GPC5: variants seen among roughly 807,000 people sequenced by gnomAD.
GPC5 encodes the protein glypican 5.
Under a neutral mutation model 53.9 loss-of-function variants are expected in GPC5, and 47 were observed. That is an observed-to-expected ratio of 0.87 (90% CI 0.69 to 1.11). The LOEUF is 1.11. GPC5 is among the 50% of genes most tolerant of loss of function. The pLI, the probability that GPC5 is intolerant of heterozygous loss-of-function variation, is 0.00. For missense variants in GPC5, 748 were observed against 713.1 expected, an observed-to-expected ratio of 1.05 and a Z score of -0.56; for synonymous variants, 286 against 263.3, an observed-to-expected ratio of 1.09 and a Z score of -0.84.
intron 6 of GPC5, among the ~76,000 whole-genome samples, chr13:91,966,301 A>G (rs182023207): frequency 6.5e-4 from 99 of 152,334 alleles, no homozygotes; most frequent in African/African-American, 2.3e-3. Context: ...CTTCTCTTAT[A>G]CAATCAAAAG....
In GPC5 at chr13:91,549,984, C is replaced by T. The variant is rs780784703; in HGVS notation, c.325+101062C>T. ...TTTATAGCAGATTTATTTACAATTG[C>T]CAAAACTCCAGAGCAACCAAGTTGT... On this transcript the variant is annotated intron_variant, in intron 2 of 7. Transcript: ENST00000377067. Among the ~76,000 whole-genome samples, 46 of 152,068 alleles carry T rather than the reference C, an allele frequency of 3.0e-4. 1 individual carries two copies. Among genetic ancestry groups the T allele is most frequent in the Non-Finnish European group, 7.4e-5 (5 of 68,002 alleles).
At chr13:92,031,524 A>G (rs1276472359) in intron 6 of GPC5, among the ~76,000 whole-genome samples, 1 of 150,024 alleles carries the variant, frequency 6.7e-6, no homozygotes, top group Non-Finnish European at 1.5e-5. Context: ...TTCCCTTTTC[A>G]CCGCATCCAC....
intron 5 of GPC5, among the ~76,000 whole-genome samples, chr13:91,875,673 A>T (rs2039194450): frequency 6.6e-6 from 1 of 151,984 alleles, no homozygotes; most frequent in African/African-American, 2.4e-5. Context: ...TCTCTTCTTG[A>T]ATCATATTAT....
chr13:92,189,700 T>G (rs1254494984), intron 7 of GPC5, among the ~76,000 whole-genome samples: 1 of 152,014 alleles, frequency 6.6e-6, no homozygotes, highest in Non-Finnish European at 1.5e-5. Context: ...TTTAAAGCTA[T>G]GATTAATATG....
intron 7 of GPC5, among the ~76,000 whole-genome samples, chr13:92,666,685 A>G (rs945664509): frequency 6.6e-6 from 1 of 152,220 alleles, no homozygotes; most frequent in Non-Finnish European, 1.5e-5. Context: ...ATGCAATTTG[A>G]AGGGAGAACA....
intron 6 of GPC5, among the ~76,000 whole-genome samples, chr13:92,116,363 C>A (rs2041601886): frequency 6.6e-6 from 1 of 152,122 alleles, no homozygotes; most frequent in South Asian, 2.1e-4. Flanking sequence ...GGAAAGAGGC[C>A]TCAGAATAAA....
At chr13:92,770,740 G>A (rs1263753935) in intron 7 of GPC5, among the ~76,000 whole-genome samples, 2 of 152,132 alleles carry the variant, frequency 1.3e-5, no homozygotes, top group South Asian at 2.1e-4. Context: ...GTGGTTTTCA[G>A]CTGAAACCCG....
intron 7 of GPC5, among the ~76,000 whole-genome samples, chr13:92,427,221 C>A (rs2139369641): frequency 6.6e-6 from 1 of 151,240 alleles, no homozygotes; most frequent in South Asian, 2.1e-4. Flanking sequence ...AGGAGATTTT[C>A]AGGGATGAAT....
At chr13:91,433,189 C>G (rs1405143397) in intron 1 of GPC5, among the ~76,000 whole-genome samples, 2 of 151,156 alleles carry the variant, frequency 1.3e-5, no homozygotes, top group African/African-American at 4.9e-5. Context: ...TTGACTGCTT[C>G]TTCCCAGGCT....
At chr13:92,638,778 C>T (rs568333678) in intron 7 of GPC5, among the ~76,000 whole-genome samples, 6 of 152,234 alleles carry the variant, frequency 3.9e-5, no homozygotes, top group East Asian at 1.9e-4. Flanking sequence ...GCAGAGTACT[C>T]GTCAACTCAG....
intron 7 of GPC5, among the ~76,000 whole-genome samples, chr13:92,645,022 T>G (rs182307994): frequency 5.6e-4 from 85 of 152,326 alleles, no homozygotes; most frequent in Non-Finnish European, 5.1e-4. Flanking sequence ...TAGTAGAATT[T>G]CAGAAGGTGA....
intron 7 of GPC5, among the ~76,000 whole-genome samples, chr13:92,588,832 C>A (rs3901972): frequency 0.98 from 149,318 of 152,292 alleles, 73,280 homozygotes; most frequent in East Asian, 1. Flanking sequence ...CTGGGTCATA[C>A]AGCAAATAAA....
chr13:91,938,703 G>T (rs118096795), intron 6 of GPC5, among the ~76,000 whole-genome samples: 1 of 152,126 alleles, frequency 6.6e-6, no homozygotes, highest in East Asian at 1.9e-4. Context: ...TTCTTCCATG[G>T]TATATTTTAT....
chr13:92,690,532 G>A (rs1461299988), intron 7 of GPC5, among the ~76,000 whole-genome samples: 2 of 123,602 alleles, frequency 1.6e-5, no homozygotes, highest in African/African-American at 6.3e-5. Flanking sequence ...GTAGCTCAGA[G>A]TAATTTGATC....
At chr13:92,062,962 T>C (rs1320179705) in intron 6 of GPC5, among the ~76,000 whole-genome samples, 1 of 151,868 alleles carries the variant, frequency 6.6e-6, no homozygotes, top group Non-Finnish European at 1.5e-5. Context: ...AGAAAAATGA[T>C]TTTTCGTAAG....
chr13:92,148,012 T>A (rs1303853442), intron 7 of GPC5, among the ~76,000 whole-genome samples: 1 of 152,112 alleles, frequency 6.6e-6, no homozygotes, highest in Non-Finnish European at 1.5e-5. Context: ...CAAGGTGTCA[T>A]CTGTGTTAAG....
chr13:91,923,123 C>G (rs1304613427), intron 6 of GPC5, among the ~76,000 whole-genome samples: 1 of 152,150 alleles, frequency 6.6e-6, no homozygotes, highest in Non-Finnish European at 1.5e-5. Context: ...CACAATCAAT[C>G]AATCAATCAA....
intron 6 of GPC5, among the ~76,000 whole-genome samples, chr13:92,025,572 T>C (rs1408131379): frequency 6.6e-6 from 1 of 152,162 alleles, no homozygotes; most frequent in Non-Finnish European, 1.5e-5. Flanking sequence ...GGTCATGTAG[T>C]GTAAACTATG....
intron 2 of GPC5, among the ~76,000 whole-genome samples, chr13:91,468,025 T>C (rs552141944): frequency 6.6e-6 from 1 of 152,242 alleles, no homozygotes; most frequent in African/African-American, 2.4e-5. Flanking sequence ...GTGGTATCGC[T>C]TCCTGCCCAG....
Sources: allele counts gnomAD v4.1 joint callset (sites outside exome capture counted in the v4.1 genomes callset), GRCh38; gene constraint gnomAD v4.1.1; transcripts MANE v1.5; gene names NCBI Gene and HGNC (gene_info 2026-07-23, HGNC 2026-07-21).